PAPPA2: variants seen among roughly 807,000 people sequenced by gnomAD.
The protein encoded by PAPPA2 is pappalysin-2.
PAPPA2 carries 86 observed loss-of-function variants against 176.4 expected under a neutral mutation model. That is an observed-to-expected ratio of 0.49 (90% CI 0.41 to 0.58). The LOEUF is 0.58. Among genes scored for constraint, PAPPA2 ranks in the 20% least tolerant of loss-of-function variants. The pLI is 0.00. For missense variants in PAPPA2, 2,073 were observed against 2,256.9 expected, an observed-to-expected ratio of 0.92 and a Z score of 1.65; for synonymous variants, 809 against 852.2, an observed-to-expected ratio of 0.95 and a Z score of 0.88.
chr1:176,602,903 C>T (rs1390175772), intron 3 of PAPPA2, among the ~76,000 whole-genome samples: 1 of 152,176 alleles, frequency 6.6e-6, no homozygotes, highest in Non-Finnish European at 1.5e-5. Context: ...TTCCTATAAG[C>T]CAGTTTCTCC....
intron 12 of PAPPA2, among the ~76,000 whole-genome samples, chr1:176,729,083 C>A (rs1046647833): frequency 1.3e-5 from 2 of 151,890 alleles, no homozygotes; most frequent in Non-Finnish European, 2.9e-5. Context: ...GCTAAGATTG[C>A]AAAGATACCT....
At chr1:176,797,518 A>G (rs919104999) in intron 20 of PAPPA2, among the ~76,000 whole-genome samples, 6 of 152,086 alleles carry the variant, frequency 3.9e-5, no homozygotes, top group African/African-American at 1.4e-4. Context: ...GATATGATAC[A>G]TGCCTGTAGT....
Position 176,764,871 on chromosome 1 carries a change from T to C in PAPPA2, c.4152-795T>C, listed in dbSNP as rs529192285. 1.9e-4 allele frequency among the ~76,000 whole-genome samples: 29 copies of C among 152,246 alleles called. No homozygotes were observed. In the South Asian group the frequency reaches 5.0e-3, roughly 26 times the overall value. ...TTGGCCTCCCAAAGCGCTGGGATTATGGGCGTGAGCCACCGCATCCGGCCT... is the reference window on the plus strand; with the variant it reads ...TTGGCCTCCCAAAGCGCTGGGATTACGGGCGTGAGCCACCGCATCCGGCCT... On this transcript the variant is annotated intron_variant, in intron 14 of 22. Coordinates refer to ENST00000367662, the MANE Select transcript of PAPPA2 (RefSeq NM_020318.3).
At chr1:176,464,048 T>G (rs1034812283) in intron 1 of PAPPA2, among the ~76,000 whole-genome samples, 2 of 152,206 alleles carry the variant, frequency 1.3e-5, no homozygotes, top group African/African-American at 4.8e-5. Context: ...TAATATTTAT[T>G]TCTTCTATAG....
Position 176,842,524 on chromosome 1 carries a change from C to T in PAPPA2, c.*70C>T, listed in dbSNP as rs1667526629. ...AAAGAGAGGCCGACCCAGGAGGAAA[C>T]AAAGGGTGAATGAAGAAGAACAATC... is the stretch of plus-strand genomic sequence containing the variant. On this transcript the variant is annotated 3_prime_UTR_variant, in exon 23 of 23. Transcript: ENST00000367662. 5.2e-6 allele frequency: 7 copies of T among 1,346,300 alleles called. No individual in the cohort carries two copies. Among genetic ancestry groups the T allele is most frequent in the Non-Finnish European group, 7.4e-6 (7 of 947,092 alleles). 83.4% of individuals were successfully genotyped at this position (1,346,300 alleles called of 1,614,324 possible). A position where few individuals can be genotyped will look rare whatever the true frequency, so the allele number is the denominator to read the frequency against.
chr1:176,757,844 A>C (rs1167951965), intron 14 of PAPPA2, among the ~76,000 whole-genome samples: 2 of 152,124 alleles, frequency 1.3e-5, no homozygotes, highest in Non-Finnish European at 2.9e-5. Flanking sequence ...TAGGTCTTAC[A>C]TTTAGGTCTT....
At chr1:176,810,503 A>G (rs1666101698) in intron 21 of PAPPA2, among the ~76,000 whole-genome samples, 1 of 152,164 alleles carries the variant, frequency 6.6e-6, no homozygotes, top group Admixed American at 6.5e-5. Context: ...TGCACAGTCC[A>G]CCACAGGGTT....
At position 176,843,881 on chromosome 1, in the gene PAPPA2, C is replaced by T. The variant is rs1667572673; in HGVS notation, c.*1427C>T. 1 of 152,094 alleles carries T rather than the reference C, an allele frequency of 6.6e-6. No individual in the cohort carries two copies. The highest frequency in any genetic ancestry group is 1.5e-5 in the Non-Finnish European group (1 of 67,994). The allele number at this position is 152,094 out of a possible 1,614,324, so 9.4% of individuals were successfully genotyped here. A position where few individuals can be genotyped will look rare whatever the true frequency, so the allele number is the denominator to read the frequency against. On this transcript the variant is annotated 3_prime_UTR_variant, in exon 23 of 23. Coordinates refer to ENST00000367662, the MANE Select transcript of PAPPA2 (RefSeq NM_020318.3). ...TGTGAGCCAGAGATTTTGACTTGAGCAAGCCATGGAAATGCATGGAGCAAG... is the reference window on the plus strand; with the variant it reads ...TGTGAGCCAGAGATTTTGACTTGAGTAAGCCATGGAAATGCATGGAGCAAG...
At chr1:176,819,058 A>C (rs1012509889) in intron 21 of PAPPA2, among the ~76,000 whole-genome samples, 2 of 152,176 alleles carry the variant, frequency 1.3e-5, no homozygotes, top group African/African-American at 4.8e-5. Context: ...GATTGTATTC[A>C]CTGTTATATC....
intron 4 of PAPPA2, among the ~76,000 whole-genome samples, chr1:176,688,317 C>A (rs547778830): frequency 2.6e-5 from 4 of 152,298 alleles, no homozygotes; most frequent in Admixed American, 2.0e-4. Flanking sequence ...AAGGTTGATA[C>A]TGCCGTTAGA....
At chr1:176,721,870 T>C (rs1338021834) in intron 12 of PAPPA2, among the ~76,000 whole-genome samples, 1 of 152,108 alleles carries the variant, frequency 6.6e-6, no homozygotes, top group Admixed American at 6.6e-5. Flanking sequence ...TTGCCAAATA[T>C]ACATACATTA....
chr1:176,799,572 A>G (rs1273333057), intron 20 of PAPPA2, among the ~76,000 whole-genome samples: 1 of 152,206 alleles, frequency 6.6e-6, no homozygotes, highest in Non-Finnish European at 1.5e-5. Flanking sequence ...GGGCACTCAC[A>G]TCTTATAATC....
chr1:176,643,198 G>A (rs10913229), intron 3 of PAPPA2, among the ~76,000 whole-genome samples: 37,818 of 151,670 alleles, frequency 0.25, 4,840 homozygotes, highest in South Asian at 0.33. Context: ...AAATTGAGGT[G>A]CAAAGGGGTT....
intron 21 of PAPPA2, 98 bp from the exon 22 acceptor site, chr1:176,840,075 C>T (rs1667427074): frequency 5.2e-6 from 5 of 969,446 alleles, no homozygotes; most frequent in Non-Finnish European, 8.0e-6. Context: ...TGTAATATCT[C>T]TGGAGCTGTA....
intron 2 of PAPPA2, among the ~76,000 whole-genome samples, chr1:176,581,203 A>G (rs1266154558): frequency 6.6e-6 from 1 of 152,170 alleles, no homozygotes; most frequent in African/African-American, 2.4e-5. Context: ...TCTGAGCACC[A>G]TTTATTGAAA....
At chr1:176,777,057 T>A (rs939457402) in intron 17 of PAPPA2, among the ~76,000 whole-genome samples, 3 of 152,104 alleles carry the variant, frequency 2.0e-5, no homozygotes, top group Non-Finnish European at 4.4e-5. Context: ...GCAAATCACT[T>A]CATTTCTCTC....
Position 176,832,633 on chromosome 1 carries a change from G to A in PAPPA2, c.5203-7540G>A, listed in dbSNP as rs149583860. On this transcript the variant is annotated intron_variant, in intron 21 of 22. Coordinates refer to ENST00000367662, the MANE Select transcript of PAPPA2 (RefSeq NM_020318.3). ...CTCCCAAAGTGCTGGGATTACAGGCGTGAGTCACTGCACCCGGCCATATTC... is the reference window on the plus strand; with the variant it reads ...CTCCCAAAGTGCTGGGATTACAGGCATGAGTCACTGCACCCGGCCATATTC... Among the ~76,000 whole-genome samples, 1,150 of 152,280 alleles carry A rather than the reference G, an allele frequency of 7.6e-3. 17 individuals are homozygous for A. Among genetic ancestry groups the A allele is most frequent in the African/African-American group, 0.026 (1,071 of 41,562 alleles).
rs191549425 is a variant in PAPPA2 at position 176,714,195 on chromosome 1, C to A, written c.3798+2214C>A. Among the ~76,000 whole-genome samples, 49 of 152,194 alleles carry A rather than the reference C, an allele frequency of 3.2e-4. 1 individual carries two copies. Among genetic ancestry groups the A allele is most frequent in the African/African-American group, 1.1e-3 (47 of 41,526 alleles). On this transcript the variant is annotated intron_variant, in intron 12 of 22. Coordinates refer to ENST00000367662, the MANE Select transcript of PAPPA2 (RefSeq NM_020318.3). ...CCCTCTACAGACTGAGTAGATCCCC[C>A]ACTTGGCCAAAGGGAATCCCCTCCA...
At chr1:176,702,945 G>T (rs966699534) in intron 9 of PAPPA2, among the ~76,000 whole-genome samples, 1 of 152,054 alleles carries the variant, frequency 6.6e-6, no homozygotes, top group East Asian at 1.9e-4. Flanking sequence ...CAGGTCTTGA[G>T]ATCTGGCATC....
Sources: gnomAD v4.1 joint callset for allele counts (sites outside exome capture counted in the v4.1 genomes callset) on GRCh38, gnomAD v4.1.1 for gene constraint, MANE v1.5 for transcripts, NCBI Gene and HGNC (gene_info 2026-07-23, HGNC 2026-07-21) for gene names.